Variants in SHISA6 observed in about 807,000 individuals in gnomAD.
SHISA6 encodes the protein shisa family member 6.
Under a neutral mutation model 47.9 loss-of-function variants are expected in SHISA6, and 22 were observed. The ratio of observed to expected loss-of-function variants is 0.46; its 90% CI spans 0.33 to 0.66. The LOEUF (loss-of-function observed/expected upper bound fraction) is 0.66, where lower values mean the gene tolerates loss of function less well. Among genes scored for constraint, SHISA6 ranks in the 30% least tolerant of loss-of-function variants. The pLI is 0.02. For synonymous variants in SHISA6, 388 were observed against 337.8 expected, an observed-to-expected ratio of 1.15 and a Z score of -1.63; for missense variants, 680 against 764.6, an observed-to-expected ratio of 0.89 and a Z score of 1.30.
intron 3 of SHISA6, among the ~76,000 whole-genome samples, chr17:11,386,551 CTTTGT>C (rs1913200309): frequency 6.6e-6 from 1 of 151,932 alleles, no homozygotes. Flanking sequence ...TTTTGTTTTG[CTTTGT>C]TTTGTTTTTT....
At chr17:11,279,749 T>C (rs1021458540) in intron 2 of SHISA6, among the ~76,000 whole-genome samples, 3 of 152,106 alleles carry the variant, frequency 2.0e-5, no homozygotes, top group Non-Finnish European at 4.4e-5. Context: ...CCTTCTATTA[T>C]TTTTTATCCA....
chr17:11,416,453 G>C lies in SHISA6; in HGVS notation c.895+36944G>C, dbSNP rs115374625. Among the ~76,000 whole-genome samples the C allele has an allele frequency of 5.5e-3, 833 of 152,278 alleles. 10 individuals carry two copies. Among genetic ancestry groups the C allele is most frequent in the African/African-American group, 0.019 (778 of 41,560 alleles). On this transcript the variant is annotated intron_variant, in intron 3 of 5. Transcript: ENST00000441885. ...AGTGGCTGGTCCATCTCATCTCATA[G>C]TTGTTGGTCGAAATTCACAAATGTC...
At chr17:11,512,537 A>G (rs2071549770) in intron 3 of SHISA6, among the ~76,000 whole-genome samples, 2 of 152,218 alleles carry the variant, frequency 1.3e-5, no homozygotes, top group African/African-American at 4.8e-5. Context: ...TTTCAAATTG[A>G]ATTTTTTTTA....
At chr17:11,260,071 G>A (rs1908169456) in intron 1 of SHISA6, among the ~76,000 whole-genome samples, 1 of 152,184 alleles carries the variant, frequency 6.6e-6, no homozygotes, top group Non-Finnish European at 1.5e-5. Flanking sequence ...AATGTAAGAT[G>A]ATACTTTTGC....
At chr17:11,315,169 T>A (rs149947969) in intron 2 of SHISA6, among the ~76,000 whole-genome samples, 6 of 152,316 alleles carry the variant, frequency 3.9e-5, no homozygotes, top group East Asian at 1.9e-4. Flanking sequence ...ATCCTAGTGT[T>A]CTGATACTTC....
At chr17:11,420,001 C>G (rs950516124) in intron 3 of SHISA6, among the ~76,000 whole-genome samples, 1 of 152,016 alleles carries the variant, frequency 6.6e-6, no homozygotes, top group Non-Finnish European at 1.5e-5. Flanking sequence ...GTCAGGAGTT[C>G]GAGACCAGCC....
chr17:11,402,503 GCCTTTGTAA>G (rs1419452835), intron 3 of SHISA6, among the ~76,000 whole-genome samples: 3 of 152,164 alleles, frequency 2.0e-5, no homozygotes, highest in African/African-American at 7.2e-5. Flanking sequence ...CAGCCTATCA[GCCTTTGTAA>G]GGGAATACAC....
intron 3 of SHISA6, among the ~76,000 whole-genome samples, chr17:11,485,264 G>A (rs937435981): frequency 1.3e-5 from 2 of 152,104 alleles, no homozygotes; most frequent in African/African-American, 4.8e-5. Context: ...CAGAGGAGGG[G>A]AAGAGGCCAG....
chr17:11,417,811 A>C (rs1402085973), intron 3 of SHISA6, among the ~76,000 whole-genome samples: 1 of 152,226 alleles, frequency 6.6e-6, no homozygotes, highest in Non-Finnish European at 1.5e-5. Context: ...GTCCAACTGA[A>C]TAAATTCTGT....
chr17:11,423,554 T>C (rs1187311187), intron 3 of SHISA6, among the ~76,000 whole-genome samples: 4 of 151,156 alleles, frequency 2.6e-5, no homozygotes, highest in Non-Finnish European at 4.4e-5. Flanking sequence ...AAAGAAATAA[T>C]AAAAAAATTG....
At chr17:11,354,739 G>A (rs1912025722) in intron 2 of SHISA6, among the ~76,000 whole-genome samples, 1 of 152,090 alleles carries the variant, frequency 6.6e-6, no homozygotes, top group African/African-American at 2.4e-5. Context: ...TTGTGGGCAC[G>A]TGCCTCCCCC....
At position 11,241,479 on chromosome 17, in the gene SHISA6, G is replaced by C; in HGVS notation, c.57G>C (p.Leu19=). ...LLLLSLESLD[L]LPSVHGARGR... ...TGCTCTCGCTGGAGTCCCTGGACCT[G>C]CTGCCCAGCGTCCACGGAGCCCGCG... The change falls in exon 1 of 6, where the codon CTG becomes CTC. Residue 19 remains leucine (L), a synonymous_variant. Coordinates refer to ENST00000441885, the MANE Select transcript of SHISA6 (RefSeq NM_207386.4). The surrounding 1 kb of genome is among the most constrained non-coding windows in gnomAD (Gnocchi z 5.5). 1 of 1,188,476 alleles carries C rather than the reference G, an allele frequency of 8.4e-7. No individual in the cohort carries two copies. The highest frequency in any genetic ancestry group is 1.1e-6 in the Non-Finnish European group (1 of 945,478). The allele number at this position is 1,188,476 out of a possible 1,614,324, so 73.6% of individuals were successfully genotyped here. A position where few individuals can be genotyped will look rare whatever the true frequency, so the allele number is the denominator to read the frequency against.
At chr17:11,358,193 G>A (rs1009912829) in intron 2 of SHISA6, among the ~76,000 whole-genome samples, 2 of 151,948 alleles carry the variant, frequency 1.3e-5, no homozygotes, top group South Asian at 2.1e-4. Flanking sequence ...CTCCCCATTC[G>A]CTTCTCCCCA....
At chr17:11,387,067 G>A (rs746497711) in intron 3 of SHISA6, among the ~76,000 whole-genome samples, 1 of 152,150 alleles carries the variant, frequency 6.6e-6, no homozygotes, top group Non-Finnish European at 1.5e-5. Flanking sequence ...GCTCGAACCG[G>A]CACAGCTCCA....
At chr17:11,404,852 A>G (rs1459451231) in intron 3 of SHISA6, among the ~76,000 whole-genome samples, 1 of 152,154 alleles carries the variant, frequency 6.6e-6, no homozygotes, top group Non-Finnish European at 1.5e-5. Context: ...CTGCTACTAC[A>G]AGAGGCAATG....
intron 2 of SHISA6, among the ~76,000 whole-genome samples, chr17:11,341,930 G>A (rs1911544583): frequency 6.6e-6 from 1 of 152,116 alleles, no homozygotes; most frequent in Non-Finnish European, 1.5e-5. Flanking sequence ...TGAACAGTGG[G>A]AGAAGAGGTG....
chr17:11,519,826 T>G (rs2071614479), intron 3 of SHISA6, among the ~76,000 whole-genome samples: 1 of 152,118 alleles, frequency 6.6e-6, no homozygotes, highest in African/African-American at 2.4e-5. Flanking sequence ...AGTAAATACC[T>G]TCTTTCTTTC....
intron 3 of SHISA6, among the ~76,000 whole-genome samples, chr17:11,496,738 CAAAAAAAAAGAAAAA>C (rs2071412070): frequency 2.2e-5 from 2 of 90,000 alleles, no homozygotes; most frequent in Non-Finnish European, 4.4e-5. Flanking sequence ...GACTCCATCT[CAAAAAAAAAGAAAAA>C]AAAAAAAAAG....
intron 2 of SHISA6, among the ~76,000 whole-genome samples, chr17:11,369,634 A>G (rs961924320): frequency 1.3e-5 from 2 of 152,216 alleles, no homozygotes; most frequent in Non-Finnish European, 2.9e-5. Flanking sequence ...GTATTCTCAT[A>G]AGACGCTGGG....
Sources: gnomAD v4.1 joint callset for allele counts (sites outside exome capture counted in the v4.1 genomes callset) on GRCh38, gnomAD v4.1.1 for gene constraint, Gnocchi (gnomAD v3.1) non-coding constraint, MANE v1.5 for transcripts, NCBI Gene and HGNC (gene_info 2026-07-23, HGNC 2026-07-21) for gene names.